Variants in MTHFD1L observed in about 807,000 individuals in gnomAD.
The protein encoded by MTHFD1L is monofunctional C1-tetrahydrofolate synthase, mitochondrial.
Under a neutral mutation model 119.5 loss-of-function variants are expected in MTHFD1L, and 81 were observed. The ratio of observed to expected loss-of-function variants is 0.68; its 90% CI spans 0.57 to 0.82. The LOEUF (loss-of-function observed/expected upper bound fraction) is 0.82. Among genes scored for constraint, MTHFD1L ranks in the 40% least tolerant of loss-of-function variants. MTHFD1L has a pLI of 0.00. For missense variants in MTHFD1L, 1,125 were observed against 1,253.4 expected (o/e 0.90, Z 1.55); for synonymous variants, 430 against 475.2 (o/e 0.90, Z 1.24).
intron 15 of MTHFD1L, among the ~76,000 whole-genome samples, chr6:150,947,927 C>T (rs776053937): frequency 6.6e-5 from 10 of 152,178 alleles, no homozygotes; most frequent in Non-Finnish European, 1.3e-4. Context: ...AGAAATCTGG[C>T]CATAGGTATT....
intron 16 of MTHFD1L, among the ~76,000 whole-genome samples, chr6:150,955,646 C>T (rs879936737): frequency 3.3e-5 from 5 of 152,064 alleles, no homozygotes; most frequent in Non-Finnish European, 7.4e-5. Context: ...ACTACAGGCA[C>T]ACACAACCAT....
chr6:151,033,773 A>G (rs1207376218), intron 24 of MTHFD1L, among the ~76,000 whole-genome samples: 2 of 152,200 alleles, frequency 1.3e-5, no homozygotes, highest in Non-Finnish European at 2.9e-5. Context: ...CTGCTCATGA[A>G]AAAATACTTG....
intron 20 of MTHFD1L, among the ~76,000 whole-genome samples, chr6:151,000,861 C>T (rs565089293): frequency 3.9e-5 from 6 of 152,314 alleles, no homozygotes; most frequent in African/African-American, 9.6e-5. Flanking sequence ...ACACCAACAG[C>T]GCTTCAGAAT....
chr6:151,063,790 G>A (rs770072852), intron 26 of MTHFD1L, among the ~76,000 whole-genome samples: 11 of 152,016 alleles, frequency 7.2e-5, no homozygotes, highest in Non-Finnish European at 1.3e-4. Flanking sequence ...GAATGGGATA[G>A]GAAGAAGTAA....
intron 16 of MTHFD1L, among the ~76,000 whole-genome samples, chr6:150,954,121 T>A (rs1292122686): frequency 6.6e-6 from 1 of 152,244 alleles, no homozygotes; most frequent in Non-Finnish European, 1.5e-5. Context: ...GGCCTGCTGG[T>A]GCTTTGCGTA....
chr6:150,877,557 C>A, intron 2 of MTHFD1L, 77 bp from the exon 3 acceptor site: 1 of 1,505,974 alleles, frequency 6.6e-7, no homozygotes, highest in East Asian at 2.3e-5. Flanking sequence ...TCTGTAATCA[C>A]AAAATTCATC....
chr6:150,903,557 C>T (rs1239259579), intron 7 of MTHFD1L, among the ~76,000 whole-genome samples: 1 of 152,120 alleles, frequency 6.6e-6, no homozygotes, highest in Non-Finnish European at 1.5e-5. Context: ...GCTAGGACCA[C>T]AGGCATGCCT....
intron 26 of MTHFD1L, among the ~76,000 whole-genome samples, chr6:151,075,138 G>T (rs1051160291): frequency 6.6e-6 from 1 of 151,960 alleles, no homozygotes; most frequent in Non-Finnish European, 1.5e-5. Context: ...CAAAATAGTA[G>T]ATTTAAACTC....
chr6:150,916,919 G>A (rs1048598117), intron 8 of MTHFD1L, among the ~76,000 whole-genome samples: 11 of 150,386 alleles, frequency 7.3e-5, no homozygotes, highest in Admixed American at 1.3e-4. Flanking sequence ...GTGCCACCAC[G>A]CCTGGCTAAT....
chr6:150,945,027 T>C (rs899412689), intron 14 of MTHFD1L, among the ~76,000 whole-genome samples: 1 of 152,222 alleles, frequency 6.6e-6, no homozygotes, highest in Non-Finnish European at 1.5e-5. Flanking sequence ...CATGTGCTTG[T>C]AGGTTAAGAG....
rs931971500 is a variant in MTHFD1L, at chr6:151,072,657, C to T, written c.2848-19810C>T. Among the ~76,000 whole-genome samples, 13 of 152,116 alleles carry T rather than the reference C, an allele frequency of 8.5e-5. No homozygotes were observed. In the East Asian group the frequency reaches 1.4e-3, roughly 16 times the overall value. On this transcript the variant is annotated intron_variant, in intron 26 of 27. Transcript: ENST00000367321. ...TACAAAAATTAGCCAGGCATGGTGG[C>T]GCACATCTGTAATCCCAGCAACTTG... is the stretch of plus-strand genomic sequence containing the variant.
chr6:151,037,179 G>A lies in MTHFD1L; in HGVS notation c.2847+62G>A, dbSNP rs115928002. 6.8e-3 allele frequency: 10,671 copies of A among 1,565,660 alleles called. 623 individuals are homozygous for A. The African/African-American group carries it at 0.13, about 19-fold the overall frequency. On this transcript the variant is annotated intron_variant, in intron 26 of 27. Transcript: ENST00000367321. ...CTGCATTGCTGTGGTGCCTCAAATC[G>A]TTATGCTCCGCCCGCTCTTTAAAAA...
chr6:150,958,501 A>G (rs533912583), intron 17 of MTHFD1L, among the ~76,000 whole-genome samples: 7 of 152,318 alleles, frequency 4.6e-5, no homozygotes, highest in Non-Finnish European at 8.8e-5. Flanking sequence ...ATGTTTTGAC[A>G]TTAACTTCCA....
At chr6:150,959,872 A>G (rs1021662221) in intron 17 of MTHFD1L, among the ~76,000 whole-genome samples, 4 of 152,190 alleles carry the variant, frequency 2.6e-5, no homozygotes, top group African/African-American at 9.7e-5. Context: ...CCTGCCTAAT[A>G]TAGTCCCTGC....
intron 26 of MTHFD1L, among the ~76,000 whole-genome samples, chr6:151,085,019 A>ATGTG (rs1562643986): frequency 8.9e-5 from 12 of 134,694 alleles, no homozygotes; most frequent in African/African-American, 3.2e-4. Context: ...ATATTTATAT[A>ATGTG]TGTATATACA....
At chr6:150,998,960 GCCTGGGCAAACAGAGGGAGAC>G (rs1780208035) in intron 20 of MTHFD1L, among the ~76,000 whole-genome samples, 1 of 148,746 alleles carries the variant, frequency 6.7e-6, no homozygotes, top group Non-Finnish European at 1.5e-5. Flanking sequence ...CTGCACTCCA[GCCTGGGCAAACAGAGGGAGAC>G]CCTGTCTTAA....
intron 26 of MTHFD1L, among the ~76,000 whole-genome samples, chr6:151,050,738 A>C (rs74602874): frequency 0.032 from 4,897 of 152,132 alleles, 155 homozygotes; most frequent in Admixed American, 0.099. Flanking sequence ...GGGAAACCCC[A>C]TACACATTTG....
intron 21 of MTHFD1L, among the ~76,000 whole-genome samples, chr6:151,012,616 T>C (rs982589037): frequency 2.6e-5 from 4 of 152,152 alleles, no homozygotes; most frequent in Non-Finnish European, 5.9e-5. Context: ...ATAACTAATA[T>C]TGTGCTATGC....
chr6:151,008,037 G>C (rs1781643282), intron 20 of MTHFD1L, among the ~76,000 whole-genome samples: 1 of 152,008 alleles, frequency 6.6e-6, no homozygotes, highest in African/African-American at 2.4e-5. Flanking sequence ...TATGTCCTCT[G>C]GCCCTATTAC....
Sources: gnomAD v4.1 joint callset for allele counts (sites outside exome capture counted in the v4.1 genomes callset) on GRCh38, gnomAD v4.1.1 for gene constraint, MANE v1.5 for transcripts, NCBI Gene and HGNC (gene_info 2026-07-23, HGNC 2026-07-21) for gene names.